The following GSG1 variants were observed in gnomAD, a reference collection of about 807,000 sequenced individuals.
GSG1 encodes the protein germ cell associated 1, also known as germ cell-specific gene 1 protein.
Under a neutral mutation model 30.8 loss-of-function variants are expected in GSG1, and 28 were observed. The ratio of observed to expected loss-of-function variants is 0.91; its 90% CI spans 0.67 to 1.25. The LOEUF is 1.25. Ranked by LOEUF, GSG1 falls within the 50% of genes most tolerant of loss-of-function variation. The probability of loss-of-function intolerance (pLI) is 0.00; values close to 1 mark genes in which losing one functional copy is unlikely to be tolerated. For synonymous variants in GSG1, 162 were observed against 178.0 expected, an observed-to-expected ratio of 0.91 and a Z score of 0.71; for missense variants, 435 against 444.7, an observed-to-expected ratio of 0.98 and a Z score of 0.20.
intron 5 of GSG1, 133 bp from the exon 6 acceptor site, chr12:13,087,396 A>G: frequency 3.2e-6 from 2 of 627,406 alleles, no homozygotes; most frequent in South Asian, 3.8e-5. Context: ...CTATGCCACC[A>G]CATTTCCCGA....
At chr12:13,102,325 A>G (rs528319343) in intron 1 of GSG1, among the ~76,000 whole-genome samples, 5 of 152,338 alleles carry the variant, frequency 3.3e-5, no homozygotes, top group Middle Eastern at 6.8e-3. Context: ...GATTGAGGCA[A>G]TGGATTAAGT....
chr12:13,087,422 G>T (rs950960043), intron 5 of GSG1, among the ~76,000 whole-genome samples, 159 bp from the exon 6 acceptor site: 11 of 152,152 alleles, frequency 7.2e-5, no homozygotes, highest in African/African-American at 2.4e-4. Context: ...AATTCACAAT[G>T]GGGGCTTCTC....
At chr12:13,085,374 C>T (rs1321732832) in intron 6 of GSG1, 131 bp from the exon 7 acceptor site, 5 of 780,636 alleles carry the variant, frequency 6.4e-6, no homozygotes, top group Non-Finnish European at 9.9e-6. Context: ...CACCATGTTT[C>T]AGGTAAAGAA....
chr12:13,096,331 G>C (rs555371245), intron 1 of GSG1, among the ~76,000 whole-genome samples: 10 of 151,850 alleles, frequency 6.6e-5, no homozygotes, highest in Non-Finnish European at 1.2e-4. Context: ...AAAATTAGCC[G>C]GGCCTGGTGG....
rs1863090297 is a variant in GSG1 at position 13,100,135 on chromosome 12, GAA to G, written c.48+3328_48+3329del. ...AGCCTAGCAGTGTTTTAACATCTAT[GAA>G]TGAATGAATGAATGAATGAATGAAT... On this transcript the variant is annotated intron_variant, in intron 1 of 6. Coordinates refer to ENST00000651961, the MANE Select transcript of GSG1 (RefSeq NM_001080555.4). 2.8e-3 allele frequency among the ~76,000 whole-genome samples: 122 copies of G among 44,316 alleles called. 1 individual carries two copies. The Admixed American group carries it at 0.029, about 11-fold the overall frequency. 29.1% of individuals were successfully genotyped at this position (44,316 alleles called of 152,430 possible). A position where few individuals can be genotyped will look rare whatever the true frequency, so the allele number is the denominator to read the frequency against.
chr12:13,099,729 A>AG (rs1220938787), intron 1 of GSG1, among the ~76,000 whole-genome samples: 15 of 149,448 alleles, frequency 1.0e-4, no homozygotes, highest in African/African-American at 3.7e-4. Context: ...CCTGGGGCTA[A>AG]GGGATCCGGT....
intron 1 of GSG1, among the ~76,000 whole-genome samples, chr12:13,102,479 T>G (rs1267238497): frequency 6.6e-6 from 1 of 152,230 alleles, no homozygotes; most frequent in African/African-American, 2.4e-5. Context: ...TCACATCCAC[T>G]TCTTTGTCAT....
In GSG1 at chr12:13,085,067, G is replaced by A; in HGVS notation, c.923C>T (p.Thr308Ile). 2 of 1,609,208 alleles carry A rather than the reference G, an allele frequency of 1.2e-6. No individual in the cohort carries two copies. The highest frequency in any genetic ancestry group is 1.7e-6 in the Non-Finnish European group (2 of 1,177,522). The change falls in exon 7 of 7, where the codon ACC (threonine) becomes ATC (isoleucine). Residue 308 changes from threonine (T) to isoleucine (I), a missense_variant. By Grantham distance (89) the Thr-to-Ile change is moderately conservative. Coordinates refer to ENST00000651961, the MANE Select transcript of GSG1 (RefSeq NM_001080555.4). ...GTGGTAGCTGGTCAAAGGACCCACG[G>A]TGGGGGCTGCACTTGACAGCCGCCG... ...FPRRLSSAAP[T>I]VGPLTSYHQY... is the part of the protein sequence containing the mutation.
chr12:13,090,487 C>T lies in GSG1; in HGVS notation c.364+16G>A. 6.3e-7 allele frequency: 1 copy of T among 1,597,018 alleles called. No individual in the cohort carries two copies. Among genetic ancestry groups the T allele is most frequent in the East Asian group, 2.2e-5 (1 of 44,606 alleles). On this transcript the variant is annotated intron_variant, in intron 2 of 6. Coordinates refer to ENST00000651961, the MANE Select transcript of GSG1 (RefSeq NM_001080555.4). The stretch of plus-strand genomic sequence containing the variant: ...GCCCTGACCCCGTTGCTCTTATATC[C>T]CAGAATGTAGGCTACCTGGTTCTTC...
At position 13,090,586 on chromosome 12, in the gene GSG1, C is replaced by T; in HGVS notation, c.281G>A (p.Trp94Ter). Reference protein sequence around the residue: ...TSTQEVVQYNWETGDDRFSFR... With the variant: ...TSTQEVVQYN Reference sequence around the variant, plus strand: ...GGAGAACCGGTCATCCCCAGTCTCCCAGTTGTATTGTACCACCTCCTGGGT... The same window carrying T: ...GGAGAACCGGTCATCCCCAGTCTCCTAGTTGTATTGTACCACCTCCTGGGT... Residue 94 changes from tryptophan (W) to a stop codon, truncating the protein, a stop_gained, in exon 2 of 7, where the codon TGG becomes TAG. Coordinates refer to ENST00000651961, the MANE Select transcript of GSG1 (RefSeq NM_001080555.4). LOFTEE classifies it high-confidence loss of function. 1 of 1,614,256 alleles carries T rather than the reference C, an allele frequency of 6.2e-7. No individual in the cohort carries two copies. Among genetic ancestry groups the T allele is most frequent in the South Asian group, 1.1e-5 (1 of 91,086 alleles).
At position 13,090,658 on chromosome 12, in the gene GSG1, T is replaced by C. The variant is rs1260157398; in HGVS notation, c.209A>G (p.Lys70Arg). ...KPLCEKGLAA[K>R]CFDMPVSLDG... is the part of the protein sequence containing the mutation. ...CAGGGACACTGGCATGTCAAAGCAC[T>C]TGGCTGCCAGACCTTTCTCGCACAG... Residue 70 changes from lysine to arginine, a missense_variant, in exon 2 of 7, where the codon AAG (lysine) becomes AGG (arginine). Lys to Arg is a conservative substitution (Grantham distance 26). Coordinates refer to ENST00000651961, the MANE Select transcript of GSG1 (RefSeq NM_001080555.4). 6.2e-7 allele frequency: 1 copy of C among 1,614,132 alleles called. No homozygotes were observed. The highest frequency in any genetic ancestry group is 8.5e-7 in the Non-Finnish European group (1 of 1,180,054).
intron 1 of GSG1, among the ~76,000 whole-genome samples, chr12:13,097,889 G>A (rs1046571377): frequency 6.6e-6 from 1 of 152,126 alleles, no homozygotes; most frequent in Non-Finnish European, 1.5e-5. Context: ...TGTGCAGTTC[G>A]TTTAGGGAAT....
intron 1 of GSG1, among the ~76,000 whole-genome samples, chr12:13,097,570 C>T (rs1421781814): frequency 6.6e-6 from 1 of 152,138 alleles, no homozygotes; most frequent in Non-Finnish European, 1.5e-5. Context: ...GTAACTTCCT[C>T]AAAGGTCTCA....
At chr12:13,099,251 A>T (rs1312542388) in intron 1 of GSG1, among the ~76,000 whole-genome samples, 2 of 152,100 alleles carry the variant, frequency 1.3e-5, no homozygotes. Context: ...GCATGTTAAT[A>T]TTTTTTTCTT....
chr12:13,101,417 C>T lies in GSG1; in HGVS notation c.48+2048G>A, dbSNP rs1019947954. On this transcript the variant is annotated intron_variant, in intron 1 of 6. Coordinates refer to ENST00000651961, the MANE Select transcript of GSG1 (RefSeq NM_001080555.4). This position sits in a 1 kb window ranked among gnomAD's most constrained non-coding sequence, Gnocchi z 5.8. The stretch of plus-strand genomic sequence containing the variant: ...CCCATGGCTTCCTGACCGGGTCGGG[C>T]GGGGGTACCCGGGCTGTTTCTTCCT... 6.6e-6 allele frequency among the ~76,000 whole-genome samples: 1 copy of T among 152,232 alleles called. No individual in the cohort carries two copies. Among genetic ancestry groups the T allele is most frequent in the Non-Finnish European group, 1.5e-5 (1 of 68,040 alleles).
intron 1 of GSG1, chr12:13,095,817 T>G: frequency 4.1e-6 from 6 of 1,472,382 alleles, no homozygotes; most frequent in Non-Finnish European, 5.4e-6. Flanking sequence ...GACAAGGCAA[T>G]CAGGGCCCAG....
chr12:13,095,654 G>T, intron 1 of GSG1: 3 of 1,614,076 alleles, frequency 1.9e-6, no homozygotes, highest in Non-Finnish European at 2.5e-6. Flanking sequence ...GATGCCATCT[G>T]CACTCCAAGT....
In GSG1 at chr12:13,087,882, C is replaced by G. The variant is rs200316271; in HGVS notation, c.634+25G>C. 7.5e-6 allele frequency: 12 copies of G among 1,610,500 alleles called. No individual in the cohort carries two copies. The Admixed American group carries it at 1.5e-4, about 20-fold the overall frequency. ...TCAAAAGTGGCCAGGGCCAACCACC[C>G]TCTCTCACTCCAGGAGCAACTCACC... On this transcript the variant is annotated intron_variant, in intron 5 of 6. Coordinates refer to ENST00000651961, the MANE Select transcript of GSG1 (RefSeq NM_001080555.4).
At chr12:13,097,090 TA>T (rs35978682) in intron 1 of GSG1, among the ~76,000 whole-genome samples, 2,594 of 146,844 alleles carry the variant, frequency 0.018, 144 homozygotes, top group Admixed American at 0.098. Context: ...ACTCCATCTT[TA>T]AAAAAAAAAA....
Sources: allele counts gnomAD v4.1 joint callset (sites outside exome capture counted in the v4.1 genomes callset), GRCh38; gene constraint gnomAD v4.1.1; non-coding constraint Gnocchi (gnomAD v3.1); transcripts MANE v1.5; gene names NCBI Gene and HGNC (gene_info 2026-07-23, HGNC 2026-07-21).